The following RPE65 variants were observed in gnomAD, a reference collection of about 807,000 sequenced individuals.
RPE65 encodes retinoid isomerohydrolase.
RPE65 carries 58 observed loss-of-function variants against 68.5 expected under a neutral mutation model. The ratio of observed to expected loss-of-function variants is 0.85; its 90% CI spans 0.69 to 1.05. The LOEUF (loss-of-function observed/expected upper bound fraction) is 1.05. Ranked by LOEUF, RPE65 falls within the 50% of genes least tolerant of loss-of-function variation. The pLI, the probability that RPE65 is intolerant of heterozygous loss-of-function variation, is 0.00. For missense variants in RPE65, 643 were observed against 629.9 expected (o/e 1.02, Z -0.22); for synonymous variants, 220 against 222.2 (o/e 0.99, Z 0.09).
chr1:68,446,942 C>T, intron 2 of RPE65, 82 bp from the exon 3 acceptor site: 1 of 1,580,562 alleles, frequency 6.3e-7, no homozygotes, highest in Non-Finnish European at 8.7e-7. Context: ...AGTATATCAG[C>T]AGCCTGATTG....
intron 10 of RPE65, among the ~76,000 whole-genome samples, chr1:68,431,894 A>T (rs1255545115): frequency 6.6e-6 from 1 of 152,062 alleles, no homozygotes; most frequent in Admixed American, 6.6e-5. Context: ...AAACAAAAAA[A>T]CAAAAACCAA....
At chr1:68,447,052 G>A (rs1011178664) in intron 2 of RPE65, among the ~76,000 whole-genome samples, 192 bp from the exon 3 acceptor site, 1 of 152,136 alleles carries the variant, frequency 6.6e-6, no homozygotes, top group East Asian at 1.9e-4. Context: ...ACCTTCACTA[G>A]GAGATCACAC....
chr1:68,438,476 A>G (rs2100817495), intron 9 of RPE65, among the ~76,000 whole-genome samples, 160 bp from the exon 10 acceptor site: 1 of 152,248 alleles, frequency 6.6e-6, no homozygotes, highest in African/African-American at 2.4e-5. Flanking sequence ...TCCCGCCCAC[A>G]CAGGATGAAA....
Position 68,429,721 on chromosome 1 carries a change from C to G in RPE65, c.*55G>C, listed in dbSNP as rs556791998. ...AAATTGAACAGAATTTGATTGCAGA[C>G]CTGAAGCTGATTTTCTCAGTTTTGC... is the stretch of plus-strand genomic sequence containing the variant. On this transcript the variant is annotated 3_prime_UTR_variant, in exon 14 of 14. Coordinates refer to ENST00000262340, the MANE Select transcript of RPE65 (RefSeq NM_000329.3). The G allele has an allele frequency of 6.2e-7, 1 of 1,608,770 alleles. No individual in the cohort carries two copies. The highest frequency in any genetic ancestry group is 1.3e-5 in the African/African-American group (1 of 74,854).
Position 68,429,677 on chromosome 1 carries a change from C to T in RPE65, c.*99G>A, listed in dbSNP as rs1283959477. 6.8e-7 allele frequency: 1 copy of T among 1,480,596 alleles called. No individual in the cohort carries two copies. The highest frequency in any genetic ancestry group is 1.9e-4 in the Middle Eastern group (1 of 5,396). The allele number at this position is 1,480,596 out of a possible 1,614,324, so 91.7% of individuals were successfully genotyped here. ...ATTGTGCGCATCTGCAAGTTAAAAC[C>T]ATGACATATAGCAGGCTAAAATTGA... On this transcript the variant is annotated 3_prime_UTR_variant, in exon 14 of 14. Coordinates refer to ENST00000262340, the MANE Select transcript of RPE65 (RefSeq NM_000329.3).
chr1:68,448,949 C>A (rs950824106), intron 1 of RPE65, among the ~76,000 whole-genome samples: 22 of 152,000 alleles, frequency 1.4e-4, no homozygotes, highest in African/African-American at 4.8e-4. Context: ...CAGATCACTG[C>A]TCTGATGTCA....
At chr1:68,445,775 C>T (rs1476650147) in intron 3 of RPE65, among the ~76,000 whole-genome samples, 1 of 152,074 alleles carries the variant, frequency 6.6e-6, no homozygotes, top group Non-Finnish European at 1.5e-5. Flanking sequence ...CTTGGCCTCC[C>T]AAAGTGCTGG....
At chr1:68,438,842 G>T in intron 9 of RPE65, 100 bp downstream of exon 9, 1 of 1,451,390 alleles carries the variant, frequency 6.9e-7, no homozygotes, top group Non-Finnish European at 9.7e-7. Flanking sequence ...AACTCTTGCT[G>T]TTTTAGATGT....
intron 10 of RPE65, among the ~76,000 whole-genome samples, chr1:68,437,373 C>A (rs1180521988): frequency 6.6e-6 from 1 of 152,158 alleles, no homozygotes; most frequent in Admixed American, 6.5e-5. Flanking sequence ...CAACCTCAAC[C>A]TTCTCCCTCT....
chr1:68,444,429 A>G, intron 5 of RPE65, 102 bp downstream of exon 5: 1 of 1,460,724 alleles, frequency 6.8e-7, no homozygotes, highest in South Asian at 1.1e-5. Flanking sequence ...GTGTGTCCTC[A>G]TCAAGTTAGA....
rs750484227 is a variant in RPE65, at chr1:68,441,046, C to T, written c.496-46G>A. On this transcript the variant is annotated intron_variant, in intron 5 of 13. Coordinates refer to ENST00000262340, the MANE Select transcript of RPE65 (RefSeq NM_000329.3). Reference sequence around the variant, plus strand: ...TCCTCCAGTTGAGAGAAGGAAGATACATTATACCTTTGTCCCTAGGTCTGA... The same window carrying T: ...TCCTCCAGTTGAGAGAAGGAAGATATATTATACCTTTGTCCCTAGGTCTGA... The T allele has an allele frequency of 3.7e-6, 6 of 1,608,730 alleles. No homozygotes were observed. In the African/African-American group the frequency reaches 4.0e-5, roughly 11 times the overall value.
Position 68,431,107 on chromosome 1 carries a change from G to C in RPE65, c.1408C>G (p.Pro470Ala). 6.2e-7 allele frequency: 1 copy of C among 1,613,776 alleles called. No individual in the cohort carries two copies. The highest frequency in any genetic ancestry group is 1.3e-5 in the African/African-American group (1 of 75,010). Reference protein sequence around the residue: ...WQEPDSYPSEPIFVSHPDALE... With the variant: ...WQEPDSYPSEAIFVSHPDALE... The stretch of plus-strand genomic sequence containing the variant: ...GCATCTGGGTGAGAAACAAAGATGG[G>C]TTCTGATGGGTATGAATCAGGCTCT... Residue 470 changes from proline to alanine, a missense_variant, in exon 13 of 14, where the codon CCC becomes GCC. Coordinates refer to ENST00000262340, the MANE Select transcript of RPE65 (RefSeq NM_000329.3).
At chr1:68,444,946 G>T in intron 3 of RPE65, 63 bp from the exon 4 acceptor site, 3 of 1,329,636 alleles carry the variant, frequency 2.3e-6, no homozygotes, top group Non-Finnish European at 2.2e-6. Context: ...CCCATGTGGA[G>T]CTTAGAATGG....
Position 68,439,066 on chromosome 1 carries a change from C to T in RPE65, c.874G>A (p.Ala292Thr), listed in dbSNP as rs377762154. The T allele has an allele frequency of 3.3e-5, 54 of 1,613,712 alleles. No homozygotes were observed. The highest frequency in any genetic ancestry group is 4.2e-5 in the Non-Finnish European group (49 of 1,179,984). ...NETMGVWLHI[A>T]DKKRKKYLNN... Reference sequence around the variant, plus strand: ...AGGTACTTTTTCCTTTTTTTGTCAGCAATATGAAGCCAAACCTTGAAAAAT... The same window carrying T: ...AGGTACTTTTTCCTTTTTTTGTCAGTAATATGAAGCCAAACCTTGAAAAAT... The change falls in exon 9 of 14, where the codon GCT becomes ACT. Residue 292 changes from alanine to threonine, a missense_variant. By Grantham distance (58) the Ala-to-Thr change is moderately conservative. Transcript: ENST00000262340.
At chr1:68,439,457 T>C in intron 7 of RPE65, 104 bp downstream of exon 7, 1 of 1,559,572 alleles carries the variant, frequency 6.4e-7, no homozygotes, top group Non-Finnish European at 8.8e-7. Context: ...TTAAATTTAG[T>C]TTTCTGCAAA....
At chr1:68,435,765 C>T (rs1645858565) in intron 10 of RPE65, among the ~76,000 whole-genome samples, 1 of 152,210 alleles carries the variant, frequency 6.6e-6, no homozygotes, top group Admixed American at 6.5e-5. Context: ...ACATTATCAT[C>T]TGACTAGCTA....
intron 2 of RPE65, among the ~76,000 whole-genome samples, chr1:68,447,202 TAAG>T (rs1009964031): frequency 3.3e-5 from 5 of 152,246 alleles, no homozygotes; most frequent in South Asian, 2.1e-4. Flanking sequence ...ATCTCATTTT[TAAG>T]AAGATTTTCA....
intron 5 of RPE65, among the ~76,000 whole-genome samples, chr1:68,443,307 A>G (rs998222343): frequency 3.3e-5 from 5 of 152,160 alleles, no homozygotes; most frequent in African/African-American, 1.2e-4. Context: ...TTGGGTTTGT[A>G]TAATGATTGA....
At chr1:68,447,285 A>T (rs1645949087) in intron 2 of RPE65, among the ~76,000 whole-genome samples, 1 of 152,224 alleles carries the variant, frequency 6.6e-6, no homozygotes, top group African/African-American at 2.4e-5. Flanking sequence ...AATGTATTTT[A>T]AAAAGATGTG....
Sources: allele counts gnomAD v4.1 joint callset (sites outside exome capture counted in the v4.1 genomes callset), GRCh38; gene constraint gnomAD v4.1.1; transcripts MANE v1.5; gene names NCBI Gene and HGNC (gene_info 2026-07-23, HGNC 2026-07-21).